Variants in SEPTIN9 observed in about 807,000 individuals in gnomAD.
SEPTIN9 encodes the protein septin 9.
In SEPTIN9, 13 loss-of-function variants were observed where a neutral mutation model predicts 56.6. The ratio of observed to expected loss-of-function variants is 0.23; its 90% CI spans 0.15 to 0.37. SEPTIN9 has a LOEUF of 0.37. SEPTIN9 is among the 10% of genes least tolerant of loss of function. SEPTIN9 has a pLI of 1.00. For missense variants in SEPTIN9, 650 were observed against 823.1 expected, an observed-to-expected ratio of 0.79 and a Z score of 2.57; for synonymous variants, 332 against 334.1, an observed-to-expected ratio of 0.99 and a Z score of 0.07.
intron 2 of SEPTIN9, among the ~76,000 whole-genome samples, chr17:77,350,317 G>A (rs1452504008): frequency 6.6e-6 from 1 of 152,218 alleles, no homozygotes; most frequent in Non-Finnish European, 1.5e-5. Context: ...GCAGAAAGGA[G>A]CCCCCAAAGG....
chr17:77,413,487 T>A (rs1437279970), intron 3 of SEPTIN9, among the ~76,000 whole-genome samples: 3 of 152,212 alleles, frequency 2.0e-5, no homozygotes, highest in Non-Finnish European at 4.4e-5. Context: ...GTGATTGACA[T>A]GATTGATCAG....
chr17:77,498,480 G>A (rs754935090), intron 11 of SEPTIN9, 43 bp from the exon 12 acceptor site: 2 of 162,136 alleles, frequency 1.2e-5, no homozygotes, highest in Non-Finnish European at 2.5e-5. Flanking sequence ...CCCCCACCCC[G>A]CTGCGCCCAC....
At position 77,433,847 on chromosome 17, in the gene SEPTIN9, C is replaced by T. The variant is rs1258528970; in HGVS notation, c.721+31144C>T. Among the ~76,000 whole-genome samples, 1 of 152,134 alleles carries T rather than the reference C, an allele frequency of 6.6e-6. No individual in the cohort carries two copies. The highest frequency in any genetic ancestry group is 1.5e-5 in the Non-Finnish European group (1 of 68,008). On this transcript the variant is annotated intron_variant, in intron 3 of 11. Transcript: ENST00000427177. This position sits in a 1 kb window ranked among gnomAD's most constrained non-coding sequence, Gnocchi z 6.4. ...TTGATGTTGCCTGTTCATTTTCCCT[C>T]TCTGCCCCTCCCGCTGGCCCTTCCC...
Position 77,281,514 on chromosome 17 carries a change from G to T in SEPTIN9, c.-22G>T. On this transcript the variant is annotated 5_prime_UTR_variant, in exon 1 of 12. Coordinates refer to ENST00000427177, the MANE Select transcript of SEPTIN9 (RefSeq NM_001113491.2). ...CTGCCTCGCCGCCACACTTTCCTGG[G>T]AGCGGCGGCCACGGAGGCACCATGA... 1 of 1,547,462 alleles carries T rather than the reference G, an allele frequency of 6.5e-7. No individual in the cohort carries two copies. Among genetic ancestry groups the T allele is most frequent in the South Asian group, 1.2e-5 (1 of 83,870 alleles).
rs113311930 is a variant in SEPTIN9, at chr17:77,325,740, T to C, written c.76+18543T>C. On this transcript the variant is annotated intron_variant, in intron 2 of 11. Transcript: ENST00000427177. Reference sequence around the variant, plus strand: ...CCTGCAGCCCATTCTCTGCCTCCGCTTCTGCCATCTGTGCCTTTGTCTGCT... The same window carrying C: ...CCTGCAGCCCATTCTCTGCCTCCGCCTCTGCCATCTGTGCCTTTGTCTGCT... 4.1e-3 allele frequency among the ~76,000 whole-genome samples: 621 copies of C among 152,358 alleles called. 2 individuals are homozygous for C. Among genetic ancestry groups the C allele is most frequent in the African/African-American group, 0.014 (596 of 41,582 alleles).
At position 77,487,587 on chromosome 17, in the gene SEPTIN9, G is replaced by T. The variant is rs753242615; in HGVS notation, c.1042+35G>T. 33 of 1,598,012 alleles carry T rather than the reference G, an allele frequency of 2.1e-5. No individual in the cohort carries two copies. The Admixed American group carries it at 4.6e-4, about 22-fold the overall frequency. ...CGGGAGTGGGCTGGGGGTGCAGGACGCCCCTGCCTTCCTGGAGCACAGGGG... is the reference window on the plus strand; with the variant it reads ...CGGGAGTGGGCTGGGGGTGCAGGACTCCCCTGCCTTCCTGGAGCACAGGGG... On this transcript the variant is annotated intron_variant, in intron 5 of 11. Transcript: ENST00000427177. The surrounding 1 kb of genome is among the most constrained non-coding windows in gnomAD (Gnocchi z 4.3).
chr17:77,475,333 C>T lies in SEPTIN9; in HGVS notation c.722-6811C>T. The stretch of plus-strand genomic sequence containing the variant: ...AGCCCTGGTTGCGAGGCAGGGCTTC[C>T]CCAGGATTCAGCAGGGATCTGAAGG... On this transcript the variant is annotated intron_variant, in intron 3 of 11. Coordinates refer to ENST00000427177, the MANE Select transcript of SEPTIN9 (RefSeq NM_001113491.2). This position sits in a 1 kb window ranked among gnomAD's most constrained non-coding sequence, Gnocchi z 4.6. The T allele has an allele frequency of 1.4e-6, 2 of 1,429,006 alleles. No individual in the cohort carries two copies. Among genetic ancestry groups the T allele is most frequent in the Admixed American group, 2.9e-5 (1 of 34,664 alleles). 88.5% of individuals were successfully genotyped at this position (1,429,006 alleles called of 1,614,324 possible).
At chr17:77,300,345 C>A (rs1005431565) in intron 1 of SEPTIN9, among the ~76,000 whole-genome samples, 5 of 50,256 alleles carry the variant, frequency 9.9e-5, no homozygotes, top group Non-Finnish European at 3.3e-4. Flanking sequence ...AATAAATTGA[C>A]TTTGATCCAC....
chr17:77,366,840 A>G (rs1250832436), intron 2 of SEPTIN9, among the ~76,000 whole-genome samples: 2 of 152,222 alleles, frequency 1.3e-5, no homozygotes, highest in African/African-American at 4.8e-5. Context: ...CCGGGGAGCC[A>G]TGGAGCAGAG....
rs59210001 is a variant in SEPTIN9, at chr17:77,331,202, A to T, written c.76+24005A>T. Among the ~76,000 whole-genome samples, 1,095 of 152,248 alleles carry T rather than the reference A, an allele frequency of 7.2e-3. 15 individuals carry two copies. The highest frequency in any genetic ancestry group is 0.024 in the African/African-American group (992 of 41,512). On this transcript the variant is annotated intron_variant, in intron 2 of 11. Coordinates refer to ENST00000427177, the MANE Select transcript of SEPTIN9 (RefSeq NM_001113491.2). ...AGGCTTTGTCTTTACAAAAAATAAA[A>T]AATAATAATAATAATAAAAACTACA... is the stretch of plus-strand genomic sequence containing the variant.
At chr17:77,465,057 CT>C (rs968643230) in intron 3 of SEPTIN9, among the ~76,000 whole-genome samples, 1 of 152,228 alleles carries the variant, frequency 6.6e-6, no homozygotes, top group African/African-American at 2.4e-5. Flanking sequence ...ATGAATTCAC[CT>C]GTTCTAGATA....
intron 2 of SEPTIN9, among the ~76,000 whole-genome samples, chr17:77,383,349 G>A (rs1225704887): frequency 6.6e-6 from 1 of 152,036 alleles, no homozygotes; most frequent in African/African-American, 2.4e-5. Context: ...CCCTGGGCTG[G>A]TACTTTGTAT....
chr17:77,380,518 C>T (rs1055533361), intron 2 of SEPTIN9, among the ~76,000 whole-genome samples: 11 of 152,094 alleles, frequency 7.2e-5, no homozygotes, highest in Non-Finnish European at 1.5e-4. Flanking sequence ...ATCAAGGGGC[C>T]TGGCCTTAAA....
rs2040093955 is a variant in SEPTIN9, at chr17:77,492,928, G to A, written c.1477-52G>A. ...CAGCTCCTCCCGGGGGCCCAGGGGA[G>A]GGAATTGCCTTCCCGCACATGTGTA... On this transcript the variant is annotated intron_variant, in intron 9 of 11. Transcript: ENST00000427177. This position sits in a 1 kb window ranked among gnomAD's most constrained non-coding sequence, Gnocchi z 5.4. The A allele has an allele frequency of 2.0e-6, 3 of 1,508,624 alleles. No individual in the cohort carries two copies. The highest frequency in any genetic ancestry group is 2.7e-6 in the Non-Finnish European group (3 of 1,106,466). 93.5% of individuals were successfully genotyped at this position (1,508,624 alleles called of 1,614,324 possible). A position where few individuals can be genotyped will look rare whatever the true frequency, so the allele number is the denominator to read the frequency against.
chr17:77,358,644 A>G (rs535973608), intron 2 of SEPTIN9, among the ~76,000 whole-genome samples: 1 of 152,340 alleles, frequency 6.6e-6, no homozygotes, highest in African/African-American at 2.4e-5. Context: ...TGTCTCAAAA[A>G]TAATAAATAA....
chr17:77,429,482 G>A lies in SEPTIN9; in HGVS notation c.721+26779G>A. 1 of 371,686 alleles carries A rather than the reference G, an allele frequency of 2.7e-6. No individual in the cohort carries two copies. The highest frequency in any genetic ancestry group is 2.1e-5 in the South Asian group (1 of 48,762). The allele number at this position is 371,686 out of a possible 1,614,324, so 23.0% of individuals were successfully genotyped here. On this transcript the variant is annotated intron_variant, in intron 3 of 11. Coordinates refer to ENST00000427177, the MANE Select transcript of SEPTIN9 (RefSeq NM_001113491.2). This position sits in a 1 kb window ranked among gnomAD's most constrained non-coding sequence, Gnocchi z 5.2. ...GGGGATGTTGGCAGAGAATCAGAGA[G>A]GGCATCCAAAAAGGCCAACAGTTCG...
At chr17:77,325,071 G>A (rs906556497) in intron 2 of SEPTIN9, among the ~76,000 whole-genome samples, 2 of 152,020 alleles carry the variant, frequency 1.3e-5, no homozygotes, top group African/African-American at 4.8e-5. Context: ...CACCCGTCTC[G>A]GCCTCCCAAA....
At chr17:77,350,844 A>C (rs967221212) in intron 2 of SEPTIN9, among the ~76,000 whole-genome samples, 1 of 152,198 alleles carries the variant, frequency 6.6e-6, no homozygotes, top group Non-Finnish European at 1.5e-5. Flanking sequence ...AATGCTCCAG[A>C]CAGACCTTTT....
intron 2 of SEPTIN9, among the ~76,000 whole-genome samples, chr17:77,385,511 G>A (rs759646846): frequency 6.6e-6 from 1 of 152,066 alleles, no homozygotes; most frequent in African/African-American, 2.4e-5. Context: ...GAGCCACTGC[G>A]CCCGGCCATG....
Sources: gnomAD v4.1 joint callset for allele counts (sites outside exome capture counted in the v4.1 genomes callset) on GRCh38, gnomAD v4.1.1 for gene constraint, Gnocchi (gnomAD v3.1) non-coding constraint, MANE v1.5 for transcripts, NCBI Gene and HGNC (gene_info 2026-07-23, HGNC 2026-07-21) for gene names.